CPVL: variants seen among roughly 807,000 people sequenced by gnomAD.
CPVL encodes carboxypeptidase vitellogenic like, also known as probable serine carboxypeptidase CPVL.
In CPVL, 51 loss-of-function variants were observed where a neutral mutation model predicts 63.7. That is an observed-to-expected ratio of 0.80 (90% CI 0.64 to 1.01). CPVL has a LOEUF of 1.01. CPVL is among the 50% of genes least tolerant of loss of function. CPVL has a pLI of 0.00. For missense variants in CPVL, 530 were observed against 573.1 expected (o/e 0.92, Z 0.77); for synonymous variants, 195 against 206.0 (o/e 0.95, Z 0.46).
intron 11 of CPVL, among the ~76,000 whole-genome samples, chr7:29,036,450 A>G (rs1188441298): frequency 2.6e-5 from 4 of 152,178 alleles, no homozygotes; most frequent in African/African-American, 4.8e-5. Flanking sequence ...GAATATAGGG[A>G]TGGTCTTTCT....
At chr7:29,042,078 GAAGT>G (rs1422648708) in intron 11 of CPVL, among the ~76,000 whole-genome samples, 2 of 152,058 alleles carry the variant, frequency 1.3e-5, no homozygotes, top group African/African-American at 4.8e-5. Flanking sequence ...CGAAGTAACA[GAAGT>G]AAGTAACTTC....
Position 29,112,704 on chromosome 7 carries a change from C to T in CPVL, c.288G>A (p.Gln96=), listed in dbSNP as rs757037823. 60 of 1,607,300 alleles carry T rather than the reference C, an allele frequency of 3.7e-5. No homozygotes were observed. In the South Asian group the frequency reaches 6.0e-4, roughly 16 times the overall value. The stretch of plus-strand genomic sequence containing the variant: ...GGTGTTCTTTCTGTTGGGCACCTAC[C>T]TGAGCTGGGAAGAACCAGAAGAAGA... ...SNLFFWFFPA[Q]IQPEDAPVVL... is the part of the protein sequence containing the mutation. Residue 96 remains glutamine, a splice_region_variant and synonymous_variant, in exon 3 of 13, where the codon CAG becomes CAA. Transcript: ENST00000265394.
chr7:29,062,883 T>C (rs16874816), intron 11 of CPVL, among the ~76,000 whole-genome samples: 11,900 of 152,212 alleles, frequency 0.078, 1,579 homozygotes, highest in African/African-American at 0.27. Context: ...TGCCCTGTTT[T>C]TTGTTCATTC....
chr7:29,059,741 C>T (rs1791087406), intron 11 of CPVL, among the ~76,000 whole-genome samples: 1 of 152,176 alleles, frequency 6.6e-6, no homozygotes, highest in Admixed American at 6.5e-5. Context: ...CCTCTCCCCA[C>T]CCATGGTGTT....
intron 1 of CPVL, among the ~76,000 whole-genome samples, chr7:29,144,301 C>T (rs1395321061): frequency 6.6e-6 from 1 of 152,112 alleles, no homozygotes; most frequent in East Asian, 1.9e-4. Flanking sequence ...TGGCTCATGC[C>T]TGTAATCCCA....
At chr7:29,168,443 C>A (rs1278779142) in intron 5 of CPVL, among the ~76,000 whole-genome samples, 2 of 152,170 alleles carry the variant, frequency 1.3e-5, no homozygotes, top group African/African-American at 2.4e-5. Flanking sequence ...TGTAGCCATA[C>A]CCAGCTTCTA....
intron 6 of CPVL, among the ~76,000 whole-genome samples, chr7:29,088,428 T>G (rs1398086574): frequency 6.6e-6 from 1 of 151,620 alleles, no homozygotes; most frequent in African/African-American, 2.4e-5. Context: ...GAGTTTCAAT[T>G]TCAGTTTTTA....
intron 9 of CPVL, among the ~76,000 whole-genome samples, chr7:29,071,142 T>A (rs1022293855): frequency 1.3e-5 from 2 of 152,108 alleles, no homozygotes; most frequent in Admixed American, 6.5e-5. Context: ...ACTTCCTGTA[T>A]CCTAATATTT....
chr7:29,039,865 T>G (rs1379641855), intron 11 of CPVL, among the ~76,000 whole-genome samples: 1 of 152,242 alleles, frequency 6.6e-6, no homozygotes, highest in East Asian at 1.9e-4. Context: ...AGATTTATGC[T>G]TATATTCTGG....
intron 8 of CPVL, 59 bp from the exon 9 acceptor site, chr7:29,071,963 A>G: frequency 6.3e-7 from 1 of 1,591,784 alleles, no homozygotes; most frequent in Non-Finnish European, 8.6e-7. Flanking sequence ...ACCTTAAGGA[A>G]GCCCATTTGC....
intron 3 of CPVL, among the ~76,000 whole-genome samples, chr7:29,097,969 C>T (rs1250997830): frequency 6.6e-6 from 1 of 152,138 alleles, no homozygotes; most frequent in Non-Finnish European, 1.5e-5. Context: ...TCCCCCAGAA[C>T]CACCTGAAAA....
chr7:29,098,190 G>T (rs538127731), intron 3 of CPVL, among the ~76,000 whole-genome samples: 1 of 152,160 alleles, frequency 6.6e-6, no homozygotes, highest in African/African-American at 2.4e-5. Context: ...CCTGGATGGC[G>T]GGAGAAGGCT....
intron 9 of CPVL, among the ~76,000 whole-genome samples, chr7:29,069,282 A>G (rs1410886689): frequency 6.6e-6 from 1 of 151,766 alleles, no homozygotes; most frequent in Non-Finnish European, 1.5e-5. Context: ...TCTACTAAAA[A>G]TAAGAAAAAT....
At chr7:29,179,643 TA>T (rs1797816285) in intron 5 of CPVL, among the ~76,000 whole-genome samples, 1 of 152,258 alleles carries the variant, frequency 6.6e-6, no homozygotes. Flanking sequence ...TATATGTAAA[TA>T]AATATTCTCC....
At chr7:29,162,610 G>A (rs896776143) in intron 5 of CPVL, among the ~76,000 whole-genome samples, 7 of 147,992 alleles carry the variant, frequency 4.7e-5, no homozygotes, top group East Asian at 2.0e-4. Flanking sequence ...GCAGTGAGCC[G>A]AGATCGTGCC....
chr7:29,070,656 A>G lies in CPVL; in HGVS notation c.864+1117T>C, dbSNP rs146756206. 3.3e-5 allele frequency among the ~76,000 whole-genome samples: 5 copies of G among 152,304 alleles called. No individual in the cohort carries two copies. In the East Asian group the frequency reaches 5.8e-4, roughly 18 times the overall value. ...CCACATTTAGTGTCCTGACACAGAG[A>G]AAGGAGAGCCTGGTGGAGCTCTGTA... On this transcript the variant is annotated intron_variant, in intron 9 of 12. Coordinates refer to ENST00000265394, the MANE Select transcript of CPVL (RefSeq NM_031311.5).
At chr7:29,118,194 C>T (rs552565595) in intron 2 of CPVL, among the ~76,000 whole-genome samples, 1 of 152,350 alleles carries the variant, frequency 6.6e-6, no homozygotes, top group South Asian at 2.1e-4. Flanking sequence ...AACTCTACTG[C>T]ACACATCCCG....
chr7:29,184,282 A>G (rs1166844574), intron 4 of CPVL: 2 of 150,876 alleles, frequency 1.3e-5, no homozygotes, highest in Non-Finnish European at 3.0e-5. Context: ...TATATATGAT[A>G]TATATATTTA....
intron 11 of CPVL, among the ~76,000 whole-genome samples, chr7:29,039,834 G>A (rs1327988657): frequency 2.6e-5 from 4 of 152,162 alleles, no homozygotes; most frequent in Non-Finnish European, 4.4e-5. Flanking sequence ...ATGGATTTTT[G>A]TTGTTGCATT....
Sources: allele counts gnomAD v4.1 joint callset (sites outside exome capture counted in the v4.1 genomes callset), GRCh38; gene constraint gnomAD v4.1.1; transcripts MANE v1.5; gene names NCBI Gene and HGNC (gene_info 2026-07-23, HGNC 2026-07-21).